The following GABRA2 variants were observed in gnomAD, a reference collection of about 807,000 sequenced individuals.
The protein encoded by GABRA2 is gamma-aminobutyric acid type A receptor subunit alpha2, also known as gamma-aminobutyric acid receptor subunit alpha-2.
In GABRA2, 16 loss-of-function variants were observed where a neutral mutation model predicts 48.7. The observed-to-expected ratio is 0.33, with a 90% CI of 0.22 to 0.50. The LOEUF (loss-of-function observed/expected upper bound fraction) is 0.50, where lower values mean the gene tolerates loss of function less well. GABRA2 is among the 20% of genes least tolerant of loss of function. GABRA2 has a pLI of 0.98. For missense variants in GABRA2, 275 were observed against 535.6 expected (o/e 0.51, Z 4.80); for synonymous variants, 185 against 184.5 (o/e 1.00, Z -0.02).
intron 3 of GABRA2, chr4:46,366,190 C>T (rs1432364631): frequency 1.3e-5 from 2 of 152,046 alleles, no homozygotes; most frequent in Non-Finnish European, 2.9e-5. Flanking sequence ...CAGATTCTGG[C>T]TTTAATTCAC....
intron 4 of GABRA2, among the ~76,000 whole-genome samples, chr4:46,330,303 T>C (rs1052519085): frequency 6.6e-6 from 1 of 151,994 alleles, no homozygotes; most frequent in Non-Finnish European, 1.5e-5. Context: ...TCAATTCAGA[T>C]ATAAAGTAGC....
At chr4:46,323,923 C>A (rs71611972) in intron 4 of GABRA2, among the ~76,000 whole-genome samples, 2,737 of 151,852 alleles carry the variant, frequency 0.018, 39 homozygotes, top group South Asian at 0.056. Context: ...ATGTGCAAGG[C>A]CAGAGAGTTG....
At chr4:46,306,949 A>C (rs1248082658) in intron 6 of GABRA2, among the ~76,000 whole-genome samples, 1 of 152,136 alleles carries the variant, frequency 6.6e-6, no homozygotes, top group African/African-American at 2.4e-5. Flanking sequence ...TCTAACGGCA[A>C]TGTTGTCTGG....
intron 8 of GABRA2, among the ~76,000 whole-genome samples, chr4:46,280,510 G>A (rs1721328120): frequency 6.6e-6 from 1 of 152,128 alleles, no homozygotes; most frequent in African/African-American, 2.4e-5. Flanking sequence ...AGAGTCTTTG[G>A]CTTTTACTTT....
intron 8 of GABRA2, among the ~76,000 whole-genome samples, chr4:46,288,153 A>G (rs895488186): frequency 2.0e-5 from 3 of 152,272 alleles, no homozygotes; most frequent in Non-Finnish European, 1.5e-5. Context: ...ACAATTCAAG[A>G]TGAAATTTGA....
In GABRA2 at chr4:46,313,905, A is replaced by G. The variant is rs1055714137; in HGVS notation, c.256-1189T>C. 2.6e-5 allele frequency among the ~76,000 whole-genome samples: 4 copies of G among 152,176 alleles called. No homozygotes were observed. In the East Asian group the frequency reaches 5.8e-4, roughly 22 times the overall value. Reference sequence around the variant, plus strand: ...ATAAAAAGGTCATATACTATAAAATAGAAAATCATTTGTACAAATCGGAAT... The same window carrying G: ...ATAAAAAGGTCATATACTATAAAATGGAAAATCATTTGTACAAATCGGAAT... On this transcript the variant is annotated intron_variant, in intron 4 of 9. Transcript: ENST00000381620.
chr4:46,305,853 T>C lies in GABRA2; in HGVS notation c.560-142A>G, dbSNP rs1726600700. 6.7e-6 allele frequency: 4 copies of C among 599,980 alleles called. No homozygotes were observed. In the Admixed American group the frequency reaches 9.6e-5, roughly 14 times the overall value. 37.2% of individuals were successfully genotyped at this position (599,980 alleles called of 1,614,324 possible). A position where few individuals can be genotyped will look rare whatever the true frequency, so the allele number is the denominator to read the frequency against. ...ACATCACATTTAGGGCAAAAATGTC[T>C]CATTTGAATTTACTTCAATATGAGA... is the stretch of plus-strand genomic sequence containing the variant. On this transcript the variant is annotated intron_variant, in intron 6 of 9. Coordinates refer to ENST00000381620, the MANE Select transcript of GABRA2 (RefSeq NM_000807.4).
intron 4 of GABRA2, among the ~76,000 whole-genome samples, chr4:46,315,964 C>CACACAT (rs766108065): frequency 6.0e-5 from 9 of 150,592 alleles, no homozygotes; most frequent in Middle Eastern, 3.4e-3. Context: ...CACACACACA[C>CACACAT]ATATATATAT....
intron 9 of GABRA2, chr4:46,260,712 A>G (rs1443334217): frequency 6.6e-6 from 1 of 151,930 alleles, no homozygotes; most frequent in Non-Finnish European, 1.5e-5. Context: ...ATAAATCAAT[A>G]TTAAATTGTA....
At chr4:46,309,815 T>C (rs1375551204) in intron 6 of GABRA2, among the ~76,000 whole-genome samples, 1 of 152,138 alleles carries the variant, frequency 6.6e-6, no homozygotes, top group Non-Finnish European at 1.5e-5. Context: ...ATAGAATCTA[T>C]CCTTTCCAAT....
chr4:46,281,495 T>C (rs1721525578), intron 8 of GABRA2, among the ~76,000 whole-genome samples: 1 of 152,172 alleles, frequency 6.6e-6, no homozygotes, highest in Non-Finnish European at 1.5e-5. Flanking sequence ...GGAGTGTGGT[T>C]ATCCTAGAAA....
chr4:46,381,230 C>T (rs1216612497), intron 3 of GABRA2, among the ~76,000 whole-genome samples: 2 of 152,138 alleles, frequency 1.3e-5, no homozygotes, highest in African/African-American at 2.4e-5. Flanking sequence ...TTCCAATGAC[C>T]TATAAAATTG....
intron 3 of GABRA2, among the ~76,000 whole-genome samples, chr4:46,372,929 T>G (rs1352425502): frequency 6.6e-6 from 1 of 152,140 alleles, no homozygotes; most frequent in Admixed American, 6.6e-5. Context: ...CCCAGTAACT[T>G]TCATATCCAC....
chr4:46,252,945 CAT>C (rs374752413), intron 9 of GABRA2, among the ~76,000 whole-genome samples: 29 of 151,448 alleles, frequency 1.9e-4, no homozygotes, highest in African/African-American at 7.0e-4. Context: ...CATTGAGAAA[CAT>C]ATATTCTCCT....
intron 4 of GABRA2, among the ~76,000 whole-genome samples, chr4:46,324,684 A>G (rs1468576011): frequency 2.6e-5 from 4 of 151,766 alleles, no homozygotes; most frequent in Non-Finnish European, 5.9e-5. Context: ...CGGGTAGTGA[A>G]CACAGTATCC....
At chr4:46,328,471 T>G (rs1021792242) in intron 4 of GABRA2, among the ~76,000 whole-genome samples, 1 of 152,090 alleles carries the variant, frequency 6.6e-6, no homozygotes, top group Non-Finnish European at 1.5e-5. Flanking sequence ...GAAATAAAAG[T>G]GTATCAGCTA....
At chr4:46,358,301 C>A (rs1049563332) in intron 3 of GABRA2, among the ~76,000 whole-genome samples, 1 of 152,190 alleles carries the variant, frequency 6.6e-6, no homozygotes, top group African/African-American at 2.4e-5. Flanking sequence ...AAATTCCACT[C>A]TCTAACGCTG....
At chr4:46,273,502 C>A (rs1018159712) in intron 8 of GABRA2, among the ~76,000 whole-genome samples, 1 of 48,140 alleles carries the variant, frequency 2.1e-5, no homozygotes, top group Non-Finnish European at 4.1e-5. Flanking sequence ...TATATATATG[C>A]ATATATATAT....
At chr4:46,272,319 T>G (rs958433672) in intron 8 of GABRA2, among the ~76,000 whole-genome samples, 11 of 152,050 alleles carry the variant, frequency 7.2e-5, no homozygotes, top group African/African-American at 2.4e-4. Flanking sequence ...AGGGTAGTGC[T>G]TCATTTGTTT....
Sources: gnomAD v4.1 joint callset for allele counts (sites outside exome capture counted in the v4.1 genomes callset) on GRCh38, gnomAD v4.1.1 for gene constraint, MANE v1.5 for transcripts, NCBI Gene and HGNC (gene_info 2026-07-23, HGNC 2026-07-21) for gene names.